The following LDAF1 variants were observed in gnomAD, a reference collection of about 807,000 sequenced individuals.
LDAF1 encodes lipid droplet assembly factor 1.
Under a neutral mutation model 13.5 loss-of-function variants are expected in LDAF1, and 7 were observed. The ratio of observed to expected loss-of-function variants is 0.52; its 90% confidence interval spans 0.29 to 0.97. The LOEUF is 0.97. Ranked by LOEUF, LDAF1 falls within the 50% of genes least tolerant of loss-of-function variation. The pLI is 0.07. For synonymous variants in LDAF1, 69 were observed against 77.1 expected (o/e 0.89, Z 0.55); for missense variants, 148 against 193.2 (o/e 0.77, Z 1.39).
chr16:21,159,590 C>G (rs2092943611), intron 1 of LDAF1: 1 of 786,816 alleles, frequency 1.3e-6, no homozygotes, highest in Non-Finnish European at 2.0e-6. Context: ...GCCCAGTCCC[C>G]CAGGCGTGAA....
intron 3 of LDAF1, among the ~76,000 whole-genome samples, 180 bp from the exon 4 acceptor site, chr16:21,173,830 C>T (rs537634351): frequency 8.5e-5 from 13 of 152,302 alleles, no homozygotes; most frequent in Admixed American, 7.2e-4. Flanking sequence ...TTGATGCCCA[C>T]TCAGGTACCC....
chr16:21,161,016 G>C, intron 1 of LDAF1, 69 bp from the exon 2 acceptor site: 1 of 1,388,958 alleles, frequency 7.2e-7, no homozygotes, highest in Non-Finnish European at 9.3e-7. Context: ...AAGGTATGAG[G>C]ATGGTAGAAG....
In LDAF1 at chr16:21,179,573, C is replaced by T. The variant is rs189278970; in HGVS notation, c.*17C>T. Reference sequence around the variant, plus strand: ...CAGGAATGAGTGACTGCTCAGAGGCCGGGCTTCTTTTCAAGTACTGCTGGA... The same window carrying T: ...CAGGAATGAGTGACTGCTCAGAGGCTGGGCTTCTTTTCAAGTACTGCTGGA... On this transcript the variant is annotated 3_prime_UTR_variant, in exon 5 of 5. Coordinates refer to ENST00000233047, the MANE Select transcript of LDAF1 (RefSeq NM_001301771.2). The T allele has an allele frequency of 6.3e-5, 101 of 1,609,032 alleles. No homozygotes were observed. The highest frequency in any genetic ancestry group is 1.2e-4 in the Admixed American group (7 of 59,886).
intron 1 of LDAF1, among the ~76,000 whole-genome samples, chr16:21,160,578 AG>A (rs147955625): frequency 0.01 from 1,583 of 152,324 alleles, 32 homozygotes; most frequent in African/African-American, 0.036. Context: ...GGAGAATAAA[AG>A]GCAATGAGAT....
intron 3 of LDAF1, 110 bp from the exon 4 acceptor site, chr16:21,173,900 A>T: frequency 8.7e-7 from 1 of 1,143,432 alleles, no homozygotes; most frequent in Non-Finnish European, 1.2e-6. Context: ...AAATCTTCTT[A>T]CTTTAATAAT....
chr16:21,169,235 A>G (rs1005905104), intron 2 of LDAF1: 22 of 866,116 alleles, frequency 2.5e-5, no homozygotes, highest in Admixed American at 6.2e-5. Flanking sequence ...TTTAATGTGT[A>G]TGCACGACAC....
At chr16:21,178,905 T>C (rs1284480514) in intron 4 of LDAF1, 1 of 153,986 alleles carries the variant, frequency 6.5e-6, no homozygotes, top group African/African-American at 2.4e-5. Flanking sequence ...CCACCATGAT[T>C]GTGAGGCCTC....
intron 1 of LDAF1, among the ~76,000 whole-genome samples, chr16:21,160,425 G>A (rs759501038): frequency 6.6e-6 from 1 of 152,152 alleles, no homozygotes. Flanking sequence ...TGCCCCCGAG[G>A]TGCAGTTCTC....
intron 4 of LDAF1, among the ~76,000 whole-genome samples, chr16:21,177,619 C>CTTTTTTT (rs1025169859): frequency 2.6e-5 from 3 of 115,880 alleles, no homozygotes; most frequent in Non-Finnish European, 3.5e-5. Flanking sequence ...TTAGCGAATT[C>CTTTTTTT]TTTTTTTTTT....
At chr16:21,159,469 C>A (rs2092940681) in intron 1 of LDAF1, 1 of 1,605,728 alleles carries the variant, frequency 6.2e-7, no homozygotes. Flanking sequence ...GACCCCTCCT[C>A]CCAGCTTGAA....
At position 21,179,635 on chromosome 16, in the gene LDAF1, G is replaced by C. The variant is rs1269088302; in HGVS notation, c.*79G>C. The C allele has an allele frequency of 7.4e-7, 1 of 1,352,232 alleles. No homozygotes were observed. Among genetic ancestry groups the C allele is most frequent in the African/African-American group, 1.5e-5 (1 of 68,356 alleles). 83.8% of individuals were successfully genotyped at this position (1,352,232 alleles called of 1,614,324 possible). A position where few individuals can be genotyped will look rare whatever the true frequency, so the allele number is the denominator to read the frequency against. On this transcript the variant is annotated 3_prime_UTR_variant, in exon 5 of 5. Transcript: ENST00000233047. Reference sequence around the variant, plus strand: ...CCTTGGGATTATGGCTTAGAAGAAGGGGGCTGGGTAGGCAAGCACTCCTTG... The same window carrying C: ...CCTTGGGATTATGGCTTAGAAGAAGCGGGCTGGGTAGGCAAGCACTCCTTG...
intron 2 of LDAF1, chr16:21,165,724 T>C (rs1295107762): frequency 3.2e-6 from 2 of 616,414 alleles, no homozygotes; most frequent in African/African-American, 4.0e-5. Context: ...TGACAGCAGT[T>C]TGTTCCCTGT....
At chr16:21,163,261 G>C (rs896696827) in intron 2 of LDAF1, among the ~76,000 whole-genome samples, 3 of 152,128 alleles carry the variant, frequency 2.0e-5, no homozygotes, top group African/African-American at 7.2e-5. Flanking sequence ...AAACAGGAAG[G>C]CTCGGTGTCA....
intron 1 of LDAF1, chr16:21,159,590 C>A: frequency 1.3e-6 from 1 of 786,816 alleles, no homozygotes; most frequent in East Asian, 2.7e-5. Context: ...GCCCAGTCCC[C>A]CAGGCGTGAA....
intron 2 of LDAF1, among the ~76,000 whole-genome samples, chr16:21,164,592 G>C (rs779917293): frequency 2.0e-5 from 3 of 152,186 alleles, no homozygotes; most frequent in Non-Finnish European, 2.9e-5. Flanking sequence ...CAGGCTCAGA[G>C]GTTTGTTATG....
At chr16:21,169,295 C>T in intron 2 of LDAF1, 1 of 315,656 alleles carries the variant, frequency 3.2e-6, no homozygotes, top group African/African-American at 2.3e-5. Flanking sequence ...GCCTGAGATT[C>T]TGCATTTCCT....
At chr16:21,158,790 T>A (rs915254491) in intron 1 of LDAF1, 44 bp downstream of exon 1, 1 of 153,746 alleles carries the variant, frequency 6.5e-6, no homozygotes, top group African/African-American at 2.4e-5. Context: ...GTGCCCCGGG[T>A]GGCTAGACCC....
chr16:21,170,204 T>C, intron 2 of LDAF1: 1 of 524,188 alleles, frequency 1.9e-6, no homozygotes, highest in African/African-American at 2.1e-5. Flanking sequence ...GGTTTCATCA[T>C]GTTGGTCAGG....
Position 21,161,082 on chromosome 16 carries a change from C to T in LDAF1, c.-98-3C>T, listed in dbSNP as rs576734846. ...TAACGGCTTTTGTTTCCTCTGGTAA[C>T]AGCAAGAGACAGAGCGACATGAGAG... On this transcript the variant is annotated splice_region_variant and splice_polypyrimidine_tract_variant and intron_variant, in intron 1 of 4. Transcript: ENST00000233047. 2.3e-5 allele frequency: 35 copies of T among 1,525,010 alleles called. No homozygotes were observed. The African/African-American group carries it at 3.6e-4, about 16-fold the overall frequency. 94.5% of individuals were successfully genotyped at this position (1,525,010 alleles called of 1,614,324 possible).
Sources: allele counts gnomAD v4.1 joint callset (sites outside exome capture counted in the v4.1 genomes callset), GRCh38; gene constraint gnomAD v4.1.1; transcripts MANE v1.5; gene names NCBI Gene and HGNC (gene_info 2026-07-23, HGNC 2026-07-21).